SMAD6: variants seen among roughly 807,000 people sequenced by gnomAD.
The protein encoded by SMAD6 is MAD homolog 6.
In SMAD6, 103 loss-of-function variants were observed where a neutral mutation model predicts 39.4. The observed-to-expected ratio is 2.62, with a 90% CI of 2.23 to 3.08. The LOEUF (loss-of-function observed/expected upper bound fraction) is 3.08. Among genes scored for constraint, SMAD6 ranks in the 30% most tolerant of loss-of-function variants. The pLI is 0.00. For missense variants in SMAD6, 1,104 were observed against 742.9 expected (o/e 1.49, Z -5.65); for synonymous variants, 445 against 353.3 (o/e 1.26, Z -2.91).
chr15:66,766,135 G>A (rs1894283802), intron 3 of SMAD6, among the ~76,000 whole-genome samples: 1 of 152,222 alleles, frequency 6.6e-6, no homozygotes, highest in African/African-American at 2.4e-5. Flanking sequence ...TAGTGGGCAT[G>A]TGCTCTAGGA....
rs113930970 is a variant in SMAD6 at position 66,772,026 on chromosome 15, G to A, written c.953-8971G>A. Reference sequence around the variant, plus strand: ...GGGCAGCATGTCGTGGGGCAGTGTCGTTAGCACTGTCACCTTCGAGGATCC... The same window carrying A: ...GGGCAGCATGTCGTGGGGCAGTGTCATTAGCACTGTCACCTTCGAGGATCC... On this transcript the variant is annotated intron_variant, in intron 3 of 3. Transcript: ENST00000288840. Among the ~76,000 whole-genome samples the A allele has an allele frequency of 3.8e-3, 573 of 152,294 alleles. 5 individuals are homozygous for A. Among genetic ancestry groups the A allele is most frequent in the African/African-American group, 0.011 (475 of 41,548 alleles).
intron 3 of SMAD6, among the ~76,000 whole-genome samples, chr15:66,780,597 C>T (rs1894540748): frequency 6.6e-6 from 1 of 152,168 alleles, no homozygotes; most frequent in African/African-American, 2.4e-5. Context: ...TACAGTGCTC[C>T]ACGCCGGGTC....
intron 2 of SMAD6, among the ~76,000 whole-genome samples, chr15:66,712,996 G>T (rs1284817015): frequency 2.0e-5 from 3 of 152,174 alleles, no homozygotes; most frequent in Non-Finnish European, 4.4e-5. Flanking sequence ...GACAGAACAA[G>T]ACCCCATCTC....
intron 3 of SMAD6, among the ~76,000 whole-genome samples, chr15:66,729,234 C>T (rs1299933315): frequency 2.0e-5 from 3 of 152,166 alleles, no homozygotes; most frequent in Non-Finnish European, 1.5e-5. Context: ...CTGCGTCTCC[C>T]TGCATCTCCC....
chr15:66,748,205 A>AT (rs34637025), intron 3 of SMAD6, among the ~76,000 whole-genome samples: 10,639 of 138,364 alleles, frequency 0.077, 499 homozygotes, highest in Non-Finnish European at 0.11. Flanking sequence ...ATTTCTTCCC[A>AT]TTTTTTTTTT....
intron 3 of SMAD6, among the ~76,000 whole-genome samples, chr15:66,722,648 A>G (rs927325311): frequency 1.3e-5 from 2 of 152,230 alleles, no homozygotes; most frequent in Non-Finnish European, 2.9e-5. Flanking sequence ...ACTCACATCA[A>G]TCCCTCGCCA....
intron 3 of SMAD6, among the ~76,000 whole-genome samples, chr15:66,755,276 G>C (rs886447976): frequency 6.6e-5 from 10 of 152,310 alleles, no homozygotes; most frequent in Admixed American, 2.0e-4. Flanking sequence ...TTGTTCACAG[G>C]ACGGTGCCAG....
intron 3 of SMAD6, among the ~76,000 whole-genome samples, chr15:66,727,728 C>T (rs530851279): frequency 3.9e-5 from 6 of 152,180 alleles, no homozygotes; most frequent in African/African-American, 7.2e-5. Flanking sequence ...GTGGGCTTAG[C>T]GAATGGATTT....
At chr15:66,772,191 CAA>C (rs1044949868) in intron 3 of SMAD6, among the ~76,000 whole-genome samples, 32 of 152,304 alleles carry the variant, frequency 2.1e-4, no homozygotes, top group African/African-American at 7.5e-4. Context: ...AGGAGTAATG[CAA>C]AGAGTCCACA....
intron 3 of SMAD6, among the ~76,000 whole-genome samples, chr15:66,755,088 T>C (rs1271443981): frequency 6.6e-6 from 1 of 152,220 alleles, no homozygotes; most frequent in Non-Finnish European, 1.5e-5. Flanking sequence ...TTCTAGAAAC[T>C]AGCAGCAGAT....
Position 66,702,994 on chromosome 15 carries a change from C to G in SMAD6, c.-265C>G. On this transcript the variant is annotated 5_prime_UTR_variant, in exon 1 of 4. Transcript: ENST00000288840. ...GGGGGCTGGAGTTGTTGAGCAGCCC[C>G]GCCGCTGTGGTCCATGTAGCCGCTG... The G allele has an allele frequency of 3.0e-6, 1 of 335,554 alleles. No homozygotes were observed. The highest frequency in any genetic ancestry group is 5.5e-6 in the Non-Finnish European group (1 of 181,616). The allele number at this position is 335,554 out of a possible 1,614,324, so 20.8% of individuals were successfully genotyped here.
At chr15:66,729,653 A>G (rs908077295) in intron 3 of SMAD6, among the ~76,000 whole-genome samples, 32 of 152,140 alleles carry the variant, frequency 2.1e-4, no homozygotes, top group African/African-American at 7.5e-4. Context: ...CTGAGGGAGC[A>G]CTGTGTGAGT....
chr15:66,771,454 C>G lies in SMAD6; in HGVS notation c.953-9543C>G, dbSNP rs879313431. Among the ~76,000 whole-genome samples, 9 of 152,196 alleles carry G rather than the reference C, an allele frequency of 5.9e-5. No individual in the cohort carries two copies. The South Asian group carries it at 6.2e-4, about 10-fold the overall frequency. On this transcript the variant is annotated intron_variant, in intron 3 of 3. Transcript: ENST00000288840. Reference sequence around the variant, plus strand: ...GGCCAAGCAGGCTGCAGTCAGGGCGCTGAGGCTGAAAGAAAGGCCTTTCTG... The same window carrying G: ...GGCCAAGCAGGCTGCAGTCAGGGCGGTGAGGCTGAAAGAAAGGCCTTTCTG...
At chr15:66,774,774 A>G (rs1894437156) in intron 3 of SMAD6, among the ~76,000 whole-genome samples, 1 of 152,118 alleles carries the variant, frequency 6.6e-6, no homozygotes, top group Non-Finnish European at 1.5e-5. Flanking sequence ...TCATGCTGGA[A>G]AGTTCTCTTG....
chr15:66,727,173 G>T (rs1221249867), intron 3 of SMAD6, among the ~76,000 whole-genome samples: 1 of 151,600 alleles, frequency 6.6e-6, no homozygotes, highest in Admixed American at 6.6e-5. Context: ...CATGATCTCG[G>T]CTCACTGCAA....
intron 3 of SMAD6, among the ~76,000 whole-genome samples, chr15:66,721,936 A>G (rs556950966): frequency 6.6e-6 from 1 of 152,312 alleles, no homozygotes; most frequent in Admixed American, 6.5e-5. Context: ...CTTTTAAAAA[A>G]TGAATGGAAG....
intron 3 of SMAD6, among the ~76,000 whole-genome samples, chr15:66,766,150 A>G (rs1015764042): frequency 1.3e-5 from 2 of 152,150 alleles, no homozygotes; most frequent in African/African-American, 4.8e-5. Flanking sequence ...CTAGGAATGC[A>G]GACGCTGGCA....
intron 3 of SMAD6, among the ~76,000 whole-genome samples, chr15:66,759,125 G>A (rs1349448160): frequency 6.6e-6 from 1 of 152,158 alleles, no homozygotes; most frequent in African/African-American, 2.4e-5. Context: ...CAGCTGGCAG[G>A]CCAAATTTCT....
intron 3 of SMAD6, among the ~76,000 whole-genome samples, chr15:66,778,581 TGTAAATA>T (rs1177603743): frequency 6.6e-6 from 1 of 152,110 alleles, no homozygotes; most frequent in African/African-American, 2.4e-5. Flanking sequence ...CACCTCAGCT[TGTAAATA>T]GTAACCTCTA....
Sources: gnomAD v4.1 joint callset for allele counts (sites outside exome capture counted in the v4.1 genomes callset) on GRCh38, gnomAD v4.1.1 for gene constraint, MANE v1.5 for transcripts, NCBI Gene and HGNC (gene_info 2026-07-23, HGNC 2026-07-21) for gene names.